The following EPS8 variants were observed in gnomAD, a reference collection of about 807,000 sequenced individuals.
EPS8 encodes the protein EGFR pathway substrate 8, signaling adaptor.
EPS8 carries 42 observed loss-of-function variants against 103.8 expected under a neutral mutation model. That is an observed-to-expected ratio of 0.40 (90% CI 0.32 to 0.52). The LOEUF is 0.52. Among genes scored for constraint, EPS8 ranks in the 20% least tolerant of loss-of-function variants. The pLI, the probability that EPS8 is intolerant of heterozygous loss-of-function variation, is 0.40. For synonymous variants in EPS8, 344 were observed against 344.6 expected (o/e 1.00, Z 0.02); for missense variants, 969 against 1,005.1 (o/e 0.96, Z 0.49).
intron 3 of EPS8, among the ~76,000 whole-genome samples, chr12:15,672,676 A>G (rs1945837015): frequency 6.6e-6 from 1 of 152,260 alleles, no homozygotes; most frequent in African/African-American, 2.4e-5. Flanking sequence ...GTGAGATATT[A>G]ACACATCGAT....
At chr12:15,687,392 A>G (rs565757119) in intron 1 of EPS8, among the ~76,000 whole-genome samples, 2 of 152,310 alleles carry the variant, frequency 1.3e-5, no homozygotes, top group African/African-American at 4.8e-5. Flanking sequence ...ATAGAAGAAC[A>G]GTATTTTCTC....
At chr12:15,650,133 T>G (rs1266893995) in intron 14 of EPS8, among the ~76,000 whole-genome samples, 1 of 152,208 alleles carries the variant, frequency 6.6e-6, no homozygotes, top group African/African-American at 2.4e-5. Context: ...GATTCCCAAA[T>G]AGGTTATACT....
At chr12:15,788,750 G>C (rs1005913503) in intron 1 of EPS8, among the ~76,000 whole-genome samples, 5 of 152,188 alleles carry the variant, frequency 3.3e-5, no homozygotes, top group Non-Finnish European at 7.3e-5. Context: ...CATTTGAGGC[G>C]GGTTGGCAGA....
chr12:15,654,326 T>C, intron 12 of EPS8, 33 bp from the exon 13 acceptor site: 1 of 1,597,626 alleles, frequency 6.3e-7, no homozygotes, highest in Non-Finnish European at 8.5e-7. Flanking sequence ...AGCAAGAAGA[T>C]TACTATTCTT....
chr12:15,705,640 C>T (rs770083391), intron 1 of EPS8, among the ~76,000 whole-genome samples: 2 of 152,110 alleles, frequency 1.3e-5, no homozygotes, highest in East Asian at 3.8e-4. Context: ...GTACTTAACA[C>T]TCATTTAAAA....
intron 3 of EPS8, among the ~76,000 whole-genome samples, chr12:15,674,086 T>C (rs1945861882): frequency 6.6e-6 from 1 of 152,200 alleles, no homozygotes; most frequent in African/African-American, 2.4e-5. Context: ...TAAATTTAGG[T>C]TTCATTTAAT....
Position 15,772,344 on chromosome 12 carries a change from ATAGAGT to A in EPS8, c.-22+16811_-22+16816del, listed in dbSNP as rs1318214701. Among the ~76,000 whole-genome samples, 1 of 152,156 alleles carries A rather than the reference ATAGAGT, an allele frequency of 6.6e-6. No homozygotes were observed. Among genetic ancestry groups the A allele is most frequent in the African/African-American group, 2.4e-5 (1 of 41,436 alleles). On this transcript the variant is annotated intron_variant, in intron 1 of 20. Transcript: ENST00000281172. This position sits in a 1 kb window ranked among gnomAD's most constrained non-coding sequence, Gnocchi z 5.0. The stretch of plus-strand genomic sequence containing the variant: ...GTGTGATATTCAGCTTCAGTCATAA[ATAGAGT>A]TAGAGTTCCCAAGAAAGGCATCACC...
In EPS8 at chr12:15,735,844, A is replaced by G. The variant is rs984470177; in HGVS notation, c.-21-52872T>C. 2.0e-5 allele frequency among the ~76,000 whole-genome samples: 3 copies of G among 152,202 alleles called. No individual in the cohort carries two copies. Among genetic ancestry groups the G allele is most frequent in the African/African-American group, 7.2e-5 (3 of 41,448 alleles). ...TAATTGGCAATATTTTTAAAAACTT[A>G]TATAGAAAAAAATGCCAATAATAGG... On this transcript the variant is annotated intron_variant, in intron 1 of 20. Coordinates refer to ENST00000281172, the MANE Select transcript of EPS8 (RefSeq NM_004447.6). The surrounding 1 kb of genome is among the most constrained non-coding windows in gnomAD (Gnocchi z 4.4).
At chr12:15,654,549 A>G (rs2135797005) in intron 12 of EPS8, 1 of 459,564 alleles carries the variant, frequency 2.2e-6, no homozygotes, top group Non-Finnish European at 3.9e-6. Context: ...GCATATGACT[A>G]TAGTTTCTCT....
intron 17 of EPS8, among the ~76,000 whole-genome samples, chr12:15,638,445 CA>C (rs2135748070): frequency 6.6e-6 from 1 of 152,156 alleles, no homozygotes; most frequent in South Asian, 2.1e-4. Flanking sequence ...TGTTAAAAAG[CA>C]GATTGTTTTT....
chr12:15,710,713 TACAC>T (rs1056746469), intron 1 of EPS8, among the ~76,000 whole-genome samples: 16 of 152,064 alleles, frequency 1.1e-4, no homozygotes, highest in African/African-American at 3.9e-4. Flanking sequence ...TCAAAACAAA[TACAC>T]AAACAAACTC....
intron 18 of EPS8, among the ~76,000 whole-genome samples, chr12:15,630,061 A>G (rs1408804474): frequency 6.6e-6 from 1 of 152,190 alleles, no homozygotes. Flanking sequence ...CAATATAAAT[A>G]GTATTGAAAG....
intron 10 of EPS8, 58 bp from the exon 11 acceptor site, chr12:15,658,643 G>T (rs1437353801): frequency 1.7e-6 from 2 of 1,192,782 alleles, no homozygotes; most frequent in South Asian, 1.3e-5. Flanking sequence ...TTTATTAAAT[G>T]GAAAAACAAA....
rs143258055 is a variant in EPS8, at chr12:15,695,335, C to T, written c.-21-12363G>A. 3.8e-3 allele frequency among the ~76,000 whole-genome samples: 583 copies of T among 152,286 alleles called. 2 individuals carry two copies. Among genetic ancestry groups the T allele is most frequent in the Middle Eastern group, 0.02 (6 of 294 alleles). On this transcript the variant is annotated intron_variant, in intron 1 of 20. Transcript: ENST00000281172. This position sits in a 1 kb window ranked among gnomAD's most constrained non-coding sequence, Gnocchi z 5.0. ...CAATCTGAGTACTACTTCATTCATT[C>T]GCTCATTTAACAAATAATTACTACG...
intron 1 of EPS8, among the ~76,000 whole-genome samples, chr12:15,718,766 C>T (rs1378448893): frequency 2.6e-5 from 4 of 152,052 alleles, no homozygotes; most frequent in Non-Finnish European, 2.9e-5. Context: ...CCTACAATGT[C>T]CTCAAAGCCT....
chr12:15,746,044 G>A (rs983932793), intron 1 of EPS8, among the ~76,000 whole-genome samples: 5 of 152,066 alleles, frequency 3.3e-5, no homozygotes, highest in African/African-American at 7.2e-5. Context: ...AGCATCATAC[G>A]ATTATATCAT....
At chr12:15,624,500 T>G in intron 18 of EPS8, 93 bp from the exon 19 acceptor site, 1 of 912,634 alleles carries the variant, frequency 1.1e-6, no homozygotes, top group Non-Finnish European at 1.6e-6. Context: ...TTGACCCCAG[T>G]AGGACCTACA....
At position 15,757,396 on chromosome 12, in the gene EPS8, T is replaced by A. The variant is rs951852670; in HGVS notation, c.-22+31765A>T. Among the ~76,000 whole-genome samples, 9 of 152,110 alleles carry A rather than the reference T, an allele frequency of 5.9e-5. No homozygotes were observed. The highest frequency in any genetic ancestry group is 2.2e-4 in the African/African-American group (9 of 41,440). ...CTGGAATCCCAGAACTTTGGGAGGC[T>A]GAGGTGGGCAGATCACAAAGTCAGG... is the stretch of plus-strand genomic sequence containing the variant. On this transcript the variant is annotated intron_variant, in intron 1 of 20. Coordinates refer to ENST00000281172, the MANE Select transcript of EPS8 (RefSeq NM_004447.6). The surrounding 1 kb of genome is among the most constrained non-coding windows in gnomAD (Gnocchi z 4.1).
intron 1 of EPS8, among the ~76,000 whole-genome samples, chr12:15,689,679 C>A (rs1274549030): frequency 6.6e-6 from 1 of 152,136 alleles, no homozygotes; most frequent in Non-Finnish European, 1.5e-5. Context: ...TTTTGAAATA[C>A]GCAAAACATT....
Sources: allele counts gnomAD v4.1 joint callset (sites outside exome capture counted in the v4.1 genomes callset), GRCh38; gene constraint gnomAD v4.1.1; non-coding constraint Gnocchi (gnomAD v3.1); transcripts MANE v1.5; gene names NCBI Gene and HGNC (gene_info 2026-07-23, HGNC 2026-07-21).